The following PAK5 variants were observed in gnomAD, a reference collection of about 807,000 sequenced individuals.
The protein encoded by PAK5 is p21 (RAC1) activated kinase 5.
PAK5 carries 16 observed loss-of-function variants against 65.9 expected under a neutral mutation model. That is an observed-to-expected ratio of 0.24 (90% CI 0.16 to 0.37). PAK5 has a LOEUF of 0.37. PAK5 is among the 10% of genes least tolerant of loss of function. The pLI, the probability that PAK5 is intolerant of heterozygous loss-of-function variation, is 1.00. For synonymous variants in PAK5, 371 were observed against 354.9 expected, an observed-to-expected ratio of 1.05 and a Z score of -0.51; for missense variants, 785 against 903.9, an observed-to-expected ratio of 0.87 and a Z score of 1.69.
rs1368756916 is a variant in PAK5, at chr20:9,838,180, G to GGC, written c.-162+580_-162+581dup. 1.4e-5 allele frequency among the ~76,000 whole-genome samples: 2 copies of GGC among 139,954 alleles called. No individual in the cohort carries two copies. Among genetic ancestry groups the GGC allele is most frequent in the African/African-American group, 2.9e-5 (1 of 34,998 alleles). 91.8% of individuals were successfully genotyped at this position (139,954 alleles called of 152,430 possible). A position where few individuals can be genotyped will look rare whatever the true frequency, so the allele number is the denominator to read the frequency against. ...TCTGTCTCTCCATTACAACCCACCAGGCGCGCGCGCACACACACACGCGCG... is the reference window on the plus strand; with the variant it reads ...TCTGTCTCTCCATTACAACCCACCAGGCGCGCGCGCGCACACACACACGCGCG... On this transcript the variant is annotated intron_variant, in intron 1 of 9. Transcript: ENST00000353224. This position sits in a 1 kb window ranked among gnomAD's most constrained non-coding sequence, Gnocchi z 4.5.
At chr20:9,651,458 C>G (rs1358837966) in intron 2 of PAK5, among the ~76,000 whole-genome samples, 1 of 152,152 alleles carries the variant, frequency 6.6e-6, no homozygotes, top group Admixed American at 6.5e-5. Flanking sequence ...TGAGAAGGTT[C>G]CAGCATTCTT....
chr20:9,766,388 GTATATATAT>G (rs2048763038), intron 1 of PAK5, among the ~76,000 whole-genome samples: 10 of 47,294 alleles, frequency 2.1e-4, no homozygotes, highest in Admixed American at 3.0e-4. Flanking sequence ...GAATATATAT[GTATATATAT>G]ATTCAAGCAG....
chr20:9,779,493 T>C (rs2048919770), intron 1 of PAK5, among the ~76,000 whole-genome samples: 1 of 151,530 alleles, frequency 6.6e-6, no homozygotes, highest in Non-Finnish European at 1.5e-5. Flanking sequence ...AGGAGTTTTT[T>C]TTCAGATACA....
chr20:9,598,971 T>C (rs1040868703), intron 3 of PAK5, among the ~76,000 whole-genome samples: 2 of 152,228 alleles, frequency 1.3e-5, no homozygotes, highest in African/African-American at 2.4e-5. Context: ...TATTCCTTTC[T>C]GGAACTTTTT....
rs1307794950 is a variant in PAK5 at position 9,743,801 on chromosome 20, C to T, written c.-161-32366G>A. 2.0e-5 allele frequency among the ~76,000 whole-genome samples: 3 copies of T among 152,134 alleles called. No individual in the cohort carries two copies. In the East Asian group the frequency reaches 5.8e-4, roughly 29 times the overall value. ...GAAGTCTGTGGTGAGCTGAAAATGG[C>T]CCCTCAAAAGATATCCACGTCCTCA... On this transcript the variant is annotated intron_variant, in intron 1 of 9. Transcript: ENST00000353224.
At chr20:9,586,758 C>G (rs953677165) in intron 3 of PAK5, among the ~76,000 whole-genome samples, 1 of 151,968 alleles carries the variant, frequency 6.6e-6, no homozygotes, top group Non-Finnish European at 1.5e-5. Flanking sequence ...AATGTGTGGC[C>G]TCAGAACTGG....
Position 9,594,121 on chromosome 20 carries a change from G to C in PAK5, c.205-13191C>G, listed in dbSNP as rs1279622337. ...GTTCAGTAATTTCTGAAGCTCTTCA[G>C]GGGATTCCAATGGGCAGCCAAGTTT... On this transcript the variant is annotated intron_variant, in intron 3 of 9. Transcript: ENST00000353224. 2.0e-5 allele frequency among the ~76,000 whole-genome samples: 3 copies of C among 152,278 alleles called. No homozygotes were observed. In the East Asian group the frequency reaches 5.8e-4, roughly 29 times the overall value.
chr20:9,667,355 G>GGATTTT (rs1555910876), intron 2 of PAK5, among the ~76,000 whole-genome samples: 29 of 101,216 alleles, frequency 2.9e-4, no homozygotes, highest in East Asian at 1.6e-3. Flanking sequence ...GTTATGCTTT[G>GGATTTT]CCAGTCTGTG....
chr20:9,581,972 T>C (rs554670589), intron 3 of PAK5, among the ~76,000 whole-genome samples: 1 of 152,226 alleles, frequency 6.6e-6, no homozygotes, highest in Non-Finnish European at 1.5e-5. Flanking sequence ...CTGGAGCTGA[T>C]GTTTTATAGA....
chr20:9,705,898 A>G (rs373673006), intron 2 of PAK5, among the ~76,000 whole-genome samples: 3 of 152,184 alleles, frequency 2.0e-5, no homozygotes, highest in African/African-American at 7.2e-5. Flanking sequence ...GGAGCTTGAG[A>G]TGCTAATATT....
intron 2 of PAK5, among the ~76,000 whole-genome samples, chr20:9,676,066 C>A (rs1461339606): frequency 6.6e-6 from 1 of 152,124 alleles, no homozygotes; most frequent in African/African-American, 2.4e-5. Flanking sequence ...GGAAGCCTCA[C>A]AATCATGTTG....
rs1204009716 is a variant in PAK5, at chr20:9,566,217, G to A, written c.1158C>T (p.Pro386=). ...TGTACTGCGAACTGCTCTGCAGGGAGGGGTGATGGTACAAGGTGGCTTTGT... is the reference window on the plus strand; with the variant it reads ...TGTACTGCGAACTGCTCTGCAGGGAAGGGTGATGGTACAAGGTGGCTTTGT... ...GYHKATLYHH[P]SLQSSSQYIS... Residue 386 remains proline (P), a synonymous_variant, in exon 5 of 10, where the codon CCC becomes CCT. Coordinates refer to ENST00000353224, the MANE Select transcript of PAK5 (RefSeq NM_177990.4). 1.9e-6 allele frequency: 3 copies of A among 1,613,780 alleles called. No individual in the cohort carries two copies. The highest frequency in any genetic ancestry group is 2.2e-5 in the South Asian group (2 of 91,066).
intron 1 of PAK5, among the ~76,000 whole-genome samples, chr20:9,745,722 G>A (rs775956507): frequency 9.2e-5 from 14 of 152,150 alleles, no homozygotes; most frequent in African/African-American, 2.9e-4. Flanking sequence ...CATGCTTTTG[G>A]TGATACCAAT....
chr20:9,577,634 TCC>T (rs2045909661), intron 4 of PAK5: 3 of 152,232 alleles, frequency 2.0e-5, no homozygotes. Context: ...CACAGGCACC[TCC>T]GTCTTTTCAG....
chr20:9,700,932 A>C (rs1206682282), intron 2 of PAK5, among the ~76,000 whole-genome samples: 1 of 152,162 alleles, frequency 6.6e-6, no homozygotes, highest in Non-Finnish European at 1.5e-5. Flanking sequence ...AGGAGGTTTT[A>C]TATTAGAAAA....
In PAK5 at chr20:9,640,978, G is replaced by C. The variant is rs1014324059; in HGVS notation, c.204+3147C>G. Among the ~76,000 whole-genome samples, 4 of 152,214 alleles carry C rather than the reference G, an allele frequency of 2.6e-5. No individual in the cohort carries two copies. The South Asian group carries it at 6.2e-4, about 24-fold the overall frequency. On this transcript the variant is annotated intron_variant, in intron 3 of 9. Coordinates refer to ENST00000353224, the MANE Select transcript of PAK5 (RefSeq NM_177990.4). Reference sequence around the variant, plus strand: ...GTGTGGAAGTGGACCCCAGTGGGCTGCCAATGCTGGCTCGGGCAGCCTGCT... The same window carrying C: ...GTGTGGAAGTGGACCCCAGTGGGCTCCCAATGCTGGCTCGGGCAGCCTGCT...
chr20:9,665,908 T>C (rs1358663308), intron 2 of PAK5, among the ~76,000 whole-genome samples: 1 of 152,172 alleles, frequency 6.6e-6, no homozygotes, highest in East Asian at 1.9e-4. Flanking sequence ...ATCTTAAGGA[T>C]GGCAGAGCCT....
At chr20:9,782,159 T>C (rs145554091) in intron 1 of PAK5, among the ~76,000 whole-genome samples, 15 of 152,248 alleles carry the variant, frequency 9.9e-5, no homozygotes, top group Non-Finnish European at 2.2e-4. Flanking sequence ...TGCACTTGTG[T>C]TTTGCACTGT....
At chr20:9,749,473 A>G (rs538766793) in intron 1 of PAK5, among the ~76,000 whole-genome samples, 57 of 152,200 alleles carry the variant, frequency 3.7e-4, no homozygotes, top group Non-Finnish European at 6.2e-4. Context: ...CTGACAAAAT[A>G]CAGAAAACTG....
Sources: allele counts gnomAD v4.1 joint callset (sites outside exome capture counted in the v4.1 genomes callset), GRCh38; gene constraint gnomAD v4.1.1; non-coding constraint Gnocchi (gnomAD v3.1); transcripts MANE v1.5; gene names NCBI Gene and HGNC (gene_info 2026-07-23, HGNC 2026-07-21).